Variants in TMCO5A observed in about 807,000 individuals in gnomAD.
TMCO5A encodes transmembrane and coiled-coil domain-containing protein 5A.
Under a neutral mutation model 42.3 loss-of-function variants are expected in TMCO5A, and 34 were observed. The observed-to-expected ratio is 0.80, with a 90% CI of 0.61 to 1.07. The LOEUF (loss-of-function observed/expected upper bound fraction) is 1.07. TMCO5A is among the 50% of genes least tolerant of loss of function. TMCO5A has a pLI of 0.00. For missense variants in TMCO5A, 357 were observed against 327.9 expected, an observed-to-expected ratio of 1.09 and a Z score of -0.69; for synonymous variants, 131 against 115.6, an observed-to-expected ratio of 1.13 and a Z score of -0.86.
At chr15:37,934,753 A>G (rs1889455166) in intron 1 of TMCO5A, 59 bp downstream of exon 1, 1 of 152,144 alleles carries the variant, frequency 6.6e-6, no homozygotes. Context: ...GGGAGAGACA[A>G]ATGATTTACA....
chr15:37,977,507 C>G, the TMCO5A span, among the ~76,000 whole-genome samples: 34,465 of 152,136 alleles, frequency 0.23, 8,551 homozygotes, highest in African/African-American at 0.62. Flanking sequence ...AGTTTGGGTT[C>G]TGATCCAGTA....
At chr15:38,029,889 T>G in the TMCO5A span, among the ~76,000 whole-genome samples, 3 of 151,868 alleles carry the variant, frequency 2.0e-5, no homozygotes, top group Non-Finnish European at 4.4e-5. Context: ...TGCAGTGGGG[T>G]TTTTTGGCAG....
intron 10 of TMCO5A, among the ~76,000 whole-genome samples, chr15:37,947,046 A>G (rs899249734): frequency 1.3e-5 from 2 of 152,076 alleles, no homozygotes; most frequent in African/African-American, 4.8e-5. Context: ...TAGTTTATTG[A>G]GAGTTTTTAA....
At chr15:37,994,258 T>C in the TMCO5A span, among the ~76,000 whole-genome samples, 1 of 151,920 alleles carries the variant, frequency 6.6e-6, no homozygotes, top group Non-Finnish European at 1.5e-5. Flanking sequence ...CAGGCCTCCA[T>C]TAGCAGGCTT....
chr15:38,007,460 A>T, the TMCO5A span, among the ~76,000 whole-genome samples: 1 of 152,216 alleles, frequency 6.6e-6, no homozygotes, highest in Non-Finnish European at 1.5e-5. Context: ...TTAGATACAC[A>T]GAATATTAAA....
the TMCO5A span, among the ~76,000 whole-genome samples, chr15:38,012,286 C>T: frequency 1.3e-5 from 2 of 152,102 alleles, no homozygotes; most frequent in African/African-American, 4.8e-5. Flanking sequence ...TCTCACCAGC[C>T]CCAGAATCCA....
the TMCO5A span, among the ~76,000 whole-genome samples, chr15:37,978,104 C>T: frequency 2.0e-5 from 3 of 152,196 alleles, no homozygotes; most frequent in Non-Finnish European, 4.4e-5. Flanking sequence ...GAAACACAGC[C>T]ACTGCCAACG....
At chr15:37,947,802 G>A in intron 11 of TMCO5A, 106 bp downstream of exon 11, 1 of 697,482 alleles carries the variant, frequency 1.4e-6, no homozygotes. Flanking sequence ...ATATGCGTGT[G>A]CACACATACA....
chr15:38,039,964 C>T, the TMCO5A span: 3 of 152,320 alleles, frequency 2.0e-5, no homozygotes, highest in South Asian at 6.2e-4. Flanking sequence ...CCAAGTTCAT[C>T]CCAGTTGTTG....
chr15:38,003,851 T>A, the TMCO5A span, among the ~76,000 whole-genome samples: 13 of 152,120 alleles, frequency 8.5e-5, no homozygotes, highest in Non-Finnish European at 1.8e-4. Flanking sequence ...AGCCAAGGCC[T>A]GGAATCAGGA....
the TMCO5A span, among the ~76,000 whole-genome samples, chr15:37,985,993 T>G: frequency 6.6e-6 from 1 of 152,172 alleles, no homozygotes; most frequent in African/African-American, 2.4e-5. Context: ...ATTATCATCC[T>G]TATGCTTTGA....
At chr15:38,018,717 A>C in the TMCO5A span, among the ~76,000 whole-genome samples, 1 of 152,124 alleles carries the variant, frequency 6.6e-6, no homozygotes, top group African/African-American at 2.4e-5. Flanking sequence ...TCCCTGATCT[A>C]AAGTTTTCTA....
the TMCO5A span, among the ~76,000 whole-genome samples, chr15:38,030,915 C>G: frequency 6.6e-6 from 1 of 152,082 alleles, no homozygotes; most frequent in East Asian, 1.9e-4. Context: ...TGTACTTTAC[C>G]CTGTGATGGA....
At chr15:37,981,923 GC>G in the TMCO5A span, among the ~76,000 whole-genome samples, 3 of 152,174 alleles carry the variant, frequency 2.0e-5, no homozygotes, top group South Asian at 2.1e-4. Flanking sequence ...GCCTGCATTG[GC>G]CTTTGAAGCA....
chr15:37,946,128 C>CT (rs951531866), intron 10 of TMCO5A, among the ~76,000 whole-genome samples: 1 of 152,106 alleles, frequency 6.6e-6, no homozygotes. Flanking sequence ...ATAGGGAGTC[C>CT]TTTCCCCATT....
the TMCO5A span, among the ~76,000 whole-genome samples, chr15:38,006,844 T>A: frequency 1.3e-5 from 2 of 151,164 alleles, no homozygotes; most frequent in African/African-American, 4.8e-5. Flanking sequence ...AATATTTATA[T>A]TATTTTAATA....
chr15:37,985,145 A>G, the TMCO5A span, among the ~76,000 whole-genome samples: 1 of 151,770 alleles, frequency 6.6e-6, no homozygotes, highest in Admixed American at 6.6e-5. Context: ...TCTGACATCT[A>G]GATTATAGAA....
chr15:38,012,046 C>A, the TMCO5A span, among the ~76,000 whole-genome samples: 1 of 151,732 alleles, frequency 6.6e-6, no homozygotes, highest in Non-Finnish European at 1.5e-5. Context: ...ATGGCATGAA[C>A]CTGGGAGGCG....
At chr15:37,937,091 T>C (rs1889544275) in intron 4 of TMCO5A, 121 bp downstream of exon 4, 4 of 1,446,690 alleles carry the variant, frequency 2.8e-6, no homozygotes, top group Non-Finnish European at 3.7e-6. Flanking sequence ...TCAAAAGTCA[T>C]GATAAAATTT....
Sources: gnomAD v4.1 joint callset for allele counts (sites outside exome capture counted in the v4.1 genomes callset) on GRCh38, gnomAD v4.1.1 for gene constraint, MANE v1.5 for transcripts, NCBI Gene and HGNC (gene_info 2026-07-23, HGNC 2026-07-21) for gene names.